DGKB: variants seen among roughly 807,000 people sequenced by gnomAD.
DGKB encodes diacylglycerol kinase beta.
In DGKB, 67 loss-of-function variants were observed where a neutral mutation model predicts 114.3. The ratio of observed to expected loss-of-function variants is 0.59; its 90% CI spans 0.48 to 0.72. The LOEUF (loss-of-function observed/expected upper bound fraction) is 0.72. Among genes scored for constraint, DGKB ranks in the 30% least tolerant of loss-of-function variants. DGKB has a pLI of 0.00. For synonymous variants in DGKB, 398 were observed against 323.1 expected (o/e 1.23, Z -2.49); for missense variants, 907 against 975.2 (o/e 0.93, Z 0.93).
At chr7:14,969,481 G>C (rs543734665) in intron 1 of DGKB, among the ~76,000 whole-genome samples, 20 of 152,274 alleles carry the variant, frequency 1.3e-4, no homozygotes, top group Admixed American at 2.6e-4. Context: ...TCAGTCTGTG[G>C]CTTGTTAGGA....
intron 1 of DGKB, among the ~76,000 whole-genome samples, chr7:14,962,959 G>A (rs1278608330): frequency 6.6e-6 from 1 of 151,978 alleles, no homozygotes; most frequent in African/African-American, 2.4e-5. Flanking sequence ...AAATTTATAA[G>A]CCACTTGCTC....
intron 1 of DGKB, among the ~76,000 whole-genome samples, chr7:14,971,762 ATTTT>A (rs71004349): frequency 7.2e-6 from 1 of 139,174 alleles, no homozygotes. Flanking sequence ...TATTGAAAGC[ATTTT>A]TTTTTTTTTT....
chr7:14,938,044 C>T (rs772983771), intron 1 of DGKB, among the ~76,000 whole-genome samples: 24 of 152,222 alleles, frequency 1.6e-4, no homozygotes, highest in Middle Eastern at 3.4e-3. Context: ...TGTTGTGCTG[C>T]GGATGGGTCC....
At chr7:14,759,207 G>A (rs1350329753) in intron 2 of DGKB, among the ~76,000 whole-genome samples, 2 of 152,166 alleles carry the variant, frequency 1.3e-5, no homozygotes, top group African/African-American at 4.8e-5. Context: ...TTACAGGCAT[G>A]AGCCACCGTG....
intron 1 of DGKB, among the ~76,000 whole-genome samples, chr7:14,876,349 T>G (rs2128205881): frequency 6.6e-6 from 1 of 152,360 alleles, no homozygotes; most frequent in South Asian, 2.1e-4. Flanking sequence ...GGGGTAGCCC[T>G]GCTCTGCAGG....
intron 17 of DGKB, among the ~76,000 whole-genome samples, chr7:14,600,388 C>A (rs999532729): frequency 3.3e-5 from 5 of 152,166 alleles, no homozygotes; most frequent in African/African-American, 1.2e-4. Context: ...TCTGCTCTCC[C>A]AAAATTTATG....
At chr7:14,408,714 A>T (rs564509311) in intron 21 of DGKB, among the ~76,000 whole-genome samples, 1 of 152,122 alleles carries the variant, frequency 6.6e-6, no homozygotes, top group Non-Finnish European at 1.5e-5. Flanking sequence ...TTTAAAAACA[A>T]GCTAAAAAAT....
At chr7:14,353,047 C>G (rs924212646) in intron 21 of DGKB, among the ~76,000 whole-genome samples, 1 of 152,142 alleles carries the variant, frequency 6.6e-6, no homozygotes, top group Non-Finnish European at 1.5e-5. Context: ...GCTGTTGTTA[C>G]GGATCATAGC....
chr7:14,568,068 G>A (rs986051995), intron 20 of DGKB, among the ~76,000 whole-genome samples: 3 of 152,280 alleles, frequency 2.0e-5, no homozygotes, highest in Admixed American at 2.0e-4. Context: ...GATATCTGTA[G>A]TTGGCTTTTG....
chr7:14,854,849 T>A (rs954917846), intron 1 of DGKB, among the ~76,000 whole-genome samples: 1 of 152,144 alleles, frequency 6.6e-6, no homozygotes, highest in Non-Finnish European at 1.5e-5. Flanking sequence ...ATAAAATTGG[T>A]CTACTCTGTG....
intron 21 of DGKB, among the ~76,000 whole-genome samples, chr7:14,427,669 A>T (rs1827781569): frequency 6.6e-6 from 1 of 152,126 alleles, no homozygotes; most frequent in African/African-American, 2.4e-5. Context: ...CACATCTCAC[A>T]TGGTGGCAGA....
intron 23 of DGKB, among the ~76,000 whole-genome samples, chr7:14,249,744 AG>A (rs563763398): frequency 4.9e-4 from 75 of 152,176 alleles, no homozygotes; most frequent in African/African-American, 1.8e-3. Flanking sequence ...GTCTAATTAA[AG>A]GTTTGTAATT....
intron 25 of DGKB, among the ~76,000 whole-genome samples, chr7:14,169,753 T>C (rs936573468): frequency 6.6e-6 from 1 of 152,134 alleles, no homozygotes; most frequent in Non-Finnish European, 1.5e-5. Context: ...GCAAAATATG[T>C]ATTACATAAA....
At chr7:14,747,775 G>GCGCACACACA in intron 4 of DGKB, among the ~76,000 whole-genome samples, 3 of 149,178 alleles carry the variant, frequency 2.0e-5, no homozygotes, top group African/African-American at 7.6e-5. Flanking sequence ...ACATCCACGC[G>GCGCACACACA]CACGCACACA....
Position 14,757,604 on chromosome 7 carries a change from C to T in DGKB, c.147+51G>A, listed in dbSNP as rs1022421952. On this transcript the variant is annotated intron_variant, in intron 3 of 25. Coordinates refer to ENST00000402815, the MANE Select transcript of DGKB (RefSeq NM_001350709.2). ...TCCAAGAATTGTTTATTAAGAAATA[C>T]CCTCTTCCAAGCATATATACGAAAC... is the stretch of plus-strand genomic sequence containing the variant. 3 of 1,030,116 alleles carry T rather than the reference C, an allele frequency of 2.9e-6. No individual in the cohort carries two copies. In the African/African-American group the frequency reaches 4.9e-5, roughly 17 times the overall value. 63.8% of individuals were successfully genotyped at this position (1,030,116 alleles called of 1,614,324 possible). A position where few individuals can be genotyped will look rare whatever the true frequency, so the allele number is the denominator to read the frequency against.
chr7:14,703,255 T>G (rs537618570), intron 6 of DGKB, among the ~76,000 whole-genome samples: 96 of 152,196 alleles, frequency 6.3e-4, no homozygotes, highest in Non-Finnish European at 1.3e-3. Context: ...TTGAGGGACA[T>G]TTATAACTCT....
Position 14,685,321 on chromosome 7 carries a change from G to A in DGKB, c.753C>T (p.His251=). 1 of 1,613,898 alleles carries A rather than the reference G, an allele frequency of 6.2e-7. No individual in the cohort carries two copies. The highest frequency in any genetic ancestry group is 1.6e-4 in the Middle Eastern group (1 of 6,062). The change falls in exon 10 of 26, where the codon CAC becomes CAT. Residue 251 remains histidine, a synonymous_variant. Coordinates refer to ENST00000402815, the MANE Select transcript of DGKB (RefSeq NM_001350709.2). ...DDGQHVWRLK[H]FNKPAYCNLC... is the part of the protein sequence containing the mutation. ...GGTTGCAATAGGCAGGTTTGTTAAA[G>A]TGCTTCAGTCGCCACACGTGCTGTC...
chr7:14,843,722 G>A (rs972085725), intron 1 of DGKB, among the ~76,000 whole-genome samples: 3 of 152,138 alleles, frequency 2.0e-5, no homozygotes, highest in Non-Finnish European at 2.9e-5. Flanking sequence ...TAATAACAAC[G>A]GTTTATTTGT....
At chr7:14,291,650 G>A (rs1334243376) in intron 23 of DGKB, among the ~76,000 whole-genome samples, 1 of 152,108 alleles carries the variant, frequency 6.6e-6, no homozygotes, top group African/African-American at 2.4e-5. Context: ...ATTTTTCAAT[G>A]TAATCACTTT....
Sources: allele counts gnomAD v4.1 joint callset (sites outside exome capture counted in the v4.1 genomes callset), GRCh38; gene constraint gnomAD v4.1.1; transcripts MANE v1.5; gene names NCBI Gene and HGNC (gene_info 2026-07-23, HGNC 2026-07-21).